Variants in PKD1L1 observed in about 807,000 individuals in gnomAD.
PKD1L1 encodes polycystin 1 like 1, transient receptor potential channel interacting.
In PKD1L1, 236 loss-of-function variants were observed where a neutral mutation model predicts 323.4. That is an observed-to-expected ratio of 0.73 (90% CI 0.66 to 0.81). PKD1L1 has a LOEUF of 0.81. Ranked by LOEUF, PKD1L1 falls within the 40% of genes least tolerant of loss-of-function variation. The probability of loss-of-function intolerance (pLI) is 0.00; values close to 1 mark genes in which losing one functional copy is unlikely to be tolerated. For synonymous variants in PKD1L1, 1,344 were observed against 1,335.0 expected (o/e 1.01, Z -0.15); for missense variants, 3,320 against 3,508.0 (o/e 0.95, Z 1.35).
intron 51 of PKD1L1, 184 bp downstream of exon 51, chr7:47,809,289 A>G: frequency 1.8e-6 from 1 of 542,654 alleles, no homozygotes; most frequent in Admixed American, 3.6e-5. Flanking sequence ...CATGACGGTA[A>G]CTGTAACAAC....
At chr7:47,788,577 A>ATATAT (rs939251075) in intron 56 of PKD1L1, among the ~76,000 whole-genome samples, 110 of 138,068 alleles carry the variant, frequency 8.0e-4, no homozygotes, top group African/African-American at 2.7e-3. Flanking sequence ...ATATATATAT[A>ATATAT]TTTTTTTTTT....
chr7:47,880,251 T>TAG (rs1562970365), intron 21 of PKD1L1, among the ~76,000 whole-genome samples: 3 of 99,908 alleles, frequency 3.0e-5, no homozygotes, highest in African/African-American at 1.6e-4. Flanking sequence ...AAATAAGATA[T>TAG]ATATATATAT....
At position 47,890,665 on chromosome 7, in the gene PKD1L1, A is replaced by T. The variant is rs1489893725; in HGVS notation, c.2552T>A (p.Phe851Tyr). The change falls in exon 16 of 57, where the codon TTT (phenylalanine) becomes TAT (tyrosine). Residue 851 changes from phenylalanine to tyrosine, a missense_variant. Transcript: ENST00000289672. Reference sequence around the variant, plus strand: ...GCTGTCACTGAGCCATTGTGCCTCAAAGGAAACAGTGGGAGCCGCGGCATC... The same window carrying T: ...GCTGTCACTGAGCCATTGTGCCTCATAGGAAACAGTGGGAGCCGCGGCATC... ...QLDAAAPTVS[F>Y]EAQWLSDSYD... 3 of 1,614,112 alleles carry T rather than the reference A, an allele frequency of 1.9e-6. No individual in the cohort carries two copies. The highest frequency in any genetic ancestry group is 1.7e-6 in the Non-Finnish European group (2 of 1,180,020).
At chr7:47,882,648 A>G (rs895345579) in intron 19 of PKD1L1, among the ~76,000 whole-genome samples, 6 of 124,944 alleles carry the variant, frequency 4.8e-5, no homozygotes, top group African/African-American at 1.8e-4. Flanking sequence ...TAAAACCAAA[A>G]TGCTGTGGGA....
Position 47,902,401 on chromosome 7 carries a change from T to C in PKD1L1, c.2042A>G (p.Asn681Ser). 1 of 1,614,176 alleles carries C rather than the reference T, an allele frequency of 6.2e-7. No homozygotes were observed. The highest frequency in any genetic ancestry group is 8.5e-7 in the Non-Finnish European group (1 of 1,180,026). The change falls in exon 13 of 57, where the codon AAC becomes AGC. Residue 681 changes from asparagine to serine, a missense_variant. Transcript: ENST00000289672. ...TACCTGGACTTTCCCAGGCCCCATG[T>C]TCTTCACCAGGGGTGGCTGGCAGGG... ...CEPCQPPLVK[N>S]MGPGKVQIWR...
chr7:47,904,710 A>T, intron 11 of PKD1L1, 93 bp from the exon 12 acceptor site: 40 of 1,110,270 alleles, frequency 3.6e-5, no homozygotes, highest in Non-Finnish European at 4.4e-5. Flanking sequence ...TTTAAGAGGA[A>T]GGCGGGGGAG....
At chr7:47,907,397 A>G (rs1274620899) in intron 9 of PKD1L1, among the ~76,000 whole-genome samples, 1 of 151,618 alleles carries the variant, frequency 6.6e-6, no homozygotes, top group Non-Finnish European at 1.5e-5. Flanking sequence ...TCTTTTTTCT[A>G]CGGTAAGTGG....
intron 21 of PKD1L1, 110 bp downstream of exon 21, chr7:47,880,618 A>C: frequency 1.4e-6 from 1 of 699,170 alleles, no homozygotes; most frequent in Non-Finnish European, 2.3e-6. Context: ...GCAACTGCTT[A>C]GCCTTTACGC....
chr7:47,788,560 G>GTT (rs972401046), intron 56 of PKD1L1, among the ~76,000 whole-genome samples: 10 of 103,938 alleles, frequency 9.6e-5, no homozygotes, highest in African/African-American at 3.9e-4. Flanking sequence ...ACCCAGCCCA[G>GTT]TTATATATAT....
intron 21 of PKD1L1, among the ~76,000 whole-genome samples, chr7:47,877,976 A>G (rs917290788): frequency 6.6e-6 from 1 of 151,954 alleles, no homozygotes; most frequent in East Asian, 1.9e-4. Flanking sequence ...GTGTCTCCCT[A>G]CCTGGGAGTC....
intron 32 of PKD1L1, 125 bp from the exon 33 acceptor site, chr7:47,845,203 T>C: frequency 1.4e-6 from 1 of 713,838 alleles, no homozygotes; most frequent in Non-Finnish European, 2.2e-6. Flanking sequence ...ACTTTATGAC[T>C]AAGACCCAGT....
intron 51 of PKD1L1, among the ~76,000 whole-genome samples, chr7:47,808,638 G>A (rs1047365271): frequency 4.6e-5 from 7 of 152,314 alleles, no homozygotes; most frequent in Non-Finnish European, 7.3e-5. Flanking sequence ...CCTGTGCAGC[G>A]TGTTCCTGTA....
At chr7:47,785,681 G>C (rs1331688379) in intron 56 of PKD1L1, among the ~76,000 whole-genome samples, 2 of 151,944 alleles carry the variant, frequency 1.3e-5, no homozygotes, top group Admixed American at 1.3e-4. Flanking sequence ...TTTATCAGCA[G>C]GAGTTGGGGC....
chr7:47,835,561 C>A (rs1453250425), intron 37 of PKD1L1, among the ~76,000 whole-genome samples: 1 of 152,036 alleles, frequency 6.6e-6, no homozygotes, highest in Non-Finnish European at 1.5e-5. Flanking sequence ...CCACCACGCC[C>A]AGCTAATTTT....
At chr7:47,834,902 T>G (rs1457223850) in intron 39 of PKD1L1, 65 bp downstream of exon 39, 1 of 1,352,942 alleles carries the variant, frequency 7.4e-7, no homozygotes, top group Non-Finnish European at 1.0e-6. Context: ...CAATTTCTAC[T>G]TAGTAGATTG....
intron 46 of PKD1L1, chr7:47,818,264 T>C: frequency 8.2e-7 from 1 of 1,222,978 alleles, no homozygotes; most frequent in South Asian, 1.4e-5. Context: ...GGCACAGAGA[T>C]GCAGTGAAAA....
chr7:47,937,009 A>G (rs751453996), intron 3 of PKD1L1, 51 bp from the exon 4 acceptor site: 10 of 1,406,806 alleles, frequency 7.1e-6, no homozygotes, highest in African/African-American at 2.9e-5. Context: ...ATGAAAACCC[A>G]GTACATTTGG....
In PKD1L1 at chr7:47,839,807, C is replaced by T; in HGVS notation, c.5553-145G>A. 3.7e-6 allele frequency: 3 copies of T among 804,002 alleles called. No homozygotes were observed. Among genetic ancestry groups the T allele is most frequent in the East Asian group, 2.7e-5 (1 of 36,986 alleles). The allele number at this position is 804,002 out of a possible 1,614,324, so 49.8% of individuals were successfully genotyped here. A position where few individuals can be genotyped will look rare whatever the true frequency, so the allele number is the denominator to read the frequency against. On this transcript the variant is annotated intron_variant, in intron 35 of 56. Coordinates refer to ENST00000289672, the MANE Select transcript of PKD1L1 (RefSeq NM_138295.5). This position sits in a 1 kb window ranked among gnomAD's most constrained non-coding sequence, Gnocchi z 4.3. ...CAAAGGTGACTGACATGCAGAGTGACATGTGAAGCCCCCTGGAACCCGGCC... is the reference window on the plus strand; with the variant it reads ...CAAAGGTGACTGACATGCAGAGTGATATGTGAAGCCCCCTGGAACCCGGCC...
chr7:47,896,266 T>C (rs568572131), intron 14 of PKD1L1, among the ~76,000 whole-genome samples: 3 of 144,506 alleles, frequency 2.1e-5, no homozygotes, highest in African/African-American at 8.0e-5. Flanking sequence ...GAGGGAGAGG[T>C]TGCAGTGAGC....
Sources: allele counts gnomAD v4.1 joint callset (sites outside exome capture counted in the v4.1 genomes callset), GRCh38; gene constraint gnomAD v4.1.1; non-coding constraint Gnocchi (gnomAD v3.1); transcripts MANE v1.5; gene names NCBI Gene and HGNC (gene_info 2026-07-23, HGNC 2026-07-21).